BLMH: variants seen among roughly 807,000 people sequenced by gnomAD.
The protein encoded by BLMH is bleomycin hydrolase, also known as BLM hydrolase.
In BLMH, 32 loss-of-function variants were observed where a neutral mutation model predicts 61.6. The observed-to-expected ratio is 0.52, with a 90% CI of 0.39 to 0.70. The LOEUF is 0.70. Ranked by LOEUF, BLMH falls within the 30% of genes least tolerant of loss-of-function variation. The pLI, the probability that BLMH is intolerant of heterozygous loss-of-function variation, is 0.00. For missense variants in BLMH, 460 were observed against 555.5 expected, an observed-to-expected ratio of 0.83 and a Z score of 1.73; for synonymous variants, 183 against 193.8, an observed-to-expected ratio of 0.94 and a Z score of 0.46.
rs568166477 is a variant in BLMH, at chr17:30,272,418, T to C, written c.1028+143A>G. 1,050 of 878,228 alleles carry C rather than the reference T, an allele frequency of 1.2e-3. 1 individual carries two copies. Among genetic ancestry groups the C allele is most frequent in the Non-Finnish European group, 1.5e-3 (833 of 537,430 alleles). The allele number at this position is 878,228 out of a possible 1,614,324, so 54.4% of individuals were successfully genotyped here. A position where few individuals can be genotyped will look rare whatever the true frequency, so the allele number is the denominator to read the frequency against. On this transcript the variant is annotated intron_variant, in intron 9 of 11. Transcript: ENST00000261714. The stretch of plus-strand genomic sequence containing the variant: ...GAGTTTCTGCTATGAGTCCTCAAAC[T>C]CTAAAGGATGCAAAGAAAGAGACGC...
At chr17:30,271,132 A>G in intron 10 of BLMH, 139 bp downstream of exon 10, 2 of 647,826 alleles carry the variant, frequency 3.1e-6, no homozygotes, top group Middle Eastern at 2.6e-4. Flanking sequence ...CAAGTGACGC[A>G]GGTACGATGT....
intron 11 of BLMH, 87 bp from the exon 12 acceptor site, chr17:30,249,255 A>G: frequency 2.2e-6 from 3 of 1,345,874 alleles, no homozygotes; most frequent in South Asian, 2.8e-5. Flanking sequence ...CTTTTACAAA[A>G]CTAATATTCA....
chr17:30,291,208 CCAGTTCTTT>C, intron 2 of BLMH, 94 bp downstream of exon 2: 1 of 1,385,844 alleles, frequency 7.2e-7, no homozygotes, highest in Non-Finnish European at 9.9e-7. Flanking sequence ...GAATTTACGA[CCAGTTCTTT>C]CAGTACGAAT....
chr17:30,255,618 G>A (rs951213509), intron 11 of BLMH, among the ~76,000 whole-genome samples: 18 of 152,122 alleles, frequency 1.2e-4, no homozygotes, highest in Non-Finnish European at 2.5e-4. Context: ...ACAAGGTCTC[G>A]CCAGGCACGG....
At chr17:30,281,089 G>GTTTTTTTTTTTTTTTTTTTTTTTTTT (rs145338417) in intron 6 of BLMH, among the ~76,000 whole-genome samples, 1 of 139,072 alleles carries the variant, frequency 7.2e-6, no homozygotes, top group African/African-American at 2.8e-5. Context: ...TTGTTTCTTT[G>GTTTTTTTTTTTTTTTTTTTTTTTTTT]TTGTTTTTTT....
rs1048078987 is a variant in BLMH, at chr17:30,285,552, G to A, written c.553-72C>T. The A allele has an allele frequency of 1.3e-5, 16 of 1,233,066 alleles. No individual in the cohort carries two copies. In the Admixed American group the frequency reaches 2.3e-4, roughly 18 times the overall value. 76.4% of individuals were successfully genotyped at this position (1,233,066 alleles called of 1,614,324 possible). A position where few individuals can be genotyped will look rare whatever the true frequency, so the allele number is the denominator to read the frequency against. On this transcript the variant is annotated intron_variant, in intron 5 of 11. Coordinates refer to ENST00000261714, the MANE Select transcript of BLMH (RefSeq NM_000386.4). ...TTGTAAATGACTCTCATAGACCAAC[G>A]CAAGTTCTATTTTGAGGTATAACTC...
At position 30,273,879 on chromosome 17, in the gene BLMH, ACTTCATTAGCTG is replaced by A. The variant is rs1363720335; in HGVS notation, c.801+151_801+162del. On this transcript the variant is annotated intron_variant, in intron 7 of 11. Coordinates refer to ENST00000261714, the MANE Select transcript of BLMH (RefSeq NM_000386.4). ...AAGCTGATAAATCCTGGCACCACCA[ACTTCATTAGCTG>A]CATAAAATACTTCAGAGGAAGTGGG... 3 of 834,518 alleles carry A rather than the reference ACTTCATTAGCTG, an allele frequency of 3.6e-6. No homozygotes were observed. In the East Asian group the frequency reaches 7.9e-5, roughly 22 times the overall value. 51.7% of individuals were successfully genotyped at this position (834,518 alleles called of 1,614,324 possible). A position where few individuals can be genotyped will look rare whatever the true frequency, so the allele number is the denominator to read the frequency against.
intron 10 of BLMH, 96 bp from the exon 11 acceptor site, chr17:30,267,050 A>T: frequency 8.9e-7 from 1 of 1,117,960 alleles, no homozygotes; most frequent in Admixed American, 1.9e-5. Flanking sequence ...CTTGAAAGAA[A>T]CAGCCTGCTC....
At chr17:30,274,583 C>A (rs573602928) in intron 6 of BLMH, among the ~76,000 whole-genome samples, 1 of 152,052 alleles carries the variant, frequency 6.6e-6, no homozygotes. Flanking sequence ...GATTTCCTTC[C>A]CTTTATACAT....
chr17:30,266,806 C>G, intron 11 of BLMH, 79 bp downstream of exon 11: 1 of 1,305,164 alleles, frequency 7.7e-7, no homozygotes, highest in Non-Finnish European at 1.1e-6. Flanking sequence ...ATCCTCCACA[C>G]TAGAGCAGCT....
At chr17:30,286,036 C>G (rs746662879) in intron 5 of BLMH, among the ~76,000 whole-genome samples, 14 of 152,190 alleles carry the variant, frequency 9.2e-5, no homozygotes, top group Admixed American at 5.9e-4. Context: ...AAATGCCGTA[C>G]TATTAATGAT....
At chr17:30,283,104 G>A (rs1597666528) in intron 6 of BLMH, among the ~76,000 whole-genome samples, 1 of 152,190 alleles carries the variant, frequency 6.6e-6, no homozygotes, top group South Asian at 2.1e-4. Flanking sequence ...GAAAGTTACA[G>A]TAAGCTATGA....
intron 11 of BLMH, among the ~76,000 whole-genome samples, chr17:30,255,071 A>T (rs1048317611): frequency 3.3e-5 from 5 of 152,216 alleles, no homozygotes; most frequent in African/African-American, 1.2e-4. Context: ...TCATGCTTAG[A>T]AACAATACTG....
Position 30,272,829 on chromosome 17 carries a change from T to C in BLMH, c.872A>G (p.Asn291Ser). 2 of 1,614,190 alleles carry C rather than the reference T, an allele frequency of 1.2e-6. No homozygotes were observed. Among genetic ancestry groups the C allele is most frequent in the Non-Finnish European group, 8.5e-7 (1 of 1,180,032 alleles). ...NKLYTVEYLSNMVGGRKTLYN... is the reference protein window; with the variant it reads ...NKLYTVEYLSSMVGGRKTLYN... ...TAGAGTTTTTCTCCCTCCAACCATA[T>C]TGCTTAAGTATTCCACTGTGTAAAG... Residue 291 changes from asparagine to serine, a missense_variant, in exon 8 of 12, where the codon AAT becomes AGT. Asn to Ser is a conservative substitution (Grantham distance 46, BLOSUM62 1). Around this residue, in one of 5 missense-constraint regions of BLMH, gnomAD observed 310 missense variants for 371.1 expected, o/e 0.84. Transcript: ENST00000261714.
chr17:30,285,404 T>C lies in BLMH; in HGVS notation c.629A>G (p.Asp210Gly). ...TGTTATTACCTCCTCCATCATGACG[T>C]CCTGTGTGGCCGAGATTTCTCCTTT... ...ATKGEISATQ[D>G]VMMEEIFRVV... Residue 210 changes from aspartate (D) to glycine (G), a missense_variant, in exon 6 of 12, where the codon GAC becomes GGC. Physicochemically the swap from Asp to Gly is moderately conservative, Grantham distance 94. This residue lies in a region of BLMH where 310 missense variants were observed against 371.1 expected (regional missense o/e 0.84). Transcript: ENST00000261714. The C allele has an allele frequency of 6.2e-7, 1 of 1,611,842 alleles. No homozygotes were observed.
At chr17:30,278,154 A>G (rs1404710551) in intron 6 of BLMH, among the ~76,000 whole-genome samples, 1 of 152,140 alleles carries the variant, frequency 6.6e-6, no homozygotes, top group Admixed American at 6.5e-5. Context: ...CTCTGATACT[A>G]TATTTTCTTG....
intron 6 of BLMH, among the ~76,000 whole-genome samples, chr17:30,283,813 C>G (rs1053330116): frequency 2.6e-5 from 4 of 152,110 alleles, no homozygotes; most frequent in Admixed American, 2.6e-4. Context: ...AGCCACCGTG[C>G]CTGGCCCCCA....
At chr17:30,291,554 G>C (rs118136948) in intron 1 of BLMH, 46 bp from the exon 2 acceptor site, 10 of 1,598,800 alleles carry the variant, frequency 6.3e-6, no homozygotes, top group Non-Finnish European at 8.6e-6. Context: ...GAGGGGGAAA[G>C]GGCTGATCTG....
intron 6 of BLMH, among the ~76,000 whole-genome samples, chr17:30,281,066 GTT>G (rs537927465): frequency 7.7e-6 from 1 of 130,716 alleles, no homozygotes; most frequent in Non-Finnish European, 1.7e-5. Context: ...AAAGATCTGT[GTT>G]TTTTTTTTTG....
Sources: allele counts gnomAD v4.1 joint callset (sites outside exome capture counted in the v4.1 genomes callset), GRCh38; gene constraint gnomAD v4.1.1; regional missense constraint gnomAD v4.1.1; transcripts MANE v1.5; gene names NCBI Gene and HGNC (gene_info 2026-07-23, HGNC 2026-07-21).